MICAL3: variants seen among roughly 807,000 people sequenced by gnomAD.
The protein encoded by MICAL3 is [F-actin]-monooxygenase MICAL3.
A neutral mutation model predicts 207.4 loss-of-function variants in MICAL3; 62 were observed. That is an observed-to-expected ratio of 0.30 (90% CI 0.24 to 0.37). The LOEUF is 0.37. Among genes scored for constraint, MICAL3 ranks in the 10% least tolerant of loss-of-function variants. MICAL3 has a pLI of 1.00. For missense variants in MICAL3, 2,368 were observed against 2,635.6 expected, an observed-to-expected ratio of 0.90 and a Z score of 2.22; for synonymous variants, 1,077 against 1,069.3, an observed-to-expected ratio of 1.01 and a Z score of -0.14.
intron 1 of MICAL3, among the ~76,000 whole-genome samples, chr22:17,970,701 T>C (rs1051876632): frequency 1.3e-5 from 2 of 152,158 alleles, no homozygotes; most frequent in Middle Eastern, 3.2e-3. Flanking sequence ...GTCCTTGAAT[T>C]GGGGTTGGTG....
chr22:17,866,603 T>TAGAAC (rs200671730), intron 17 of MICAL3, among the ~76,000 whole-genome samples: 116 of 143,628 alleles, frequency 8.1e-4, no homozygotes, highest in African/African-American at 2.3e-3. Flanking sequence ...GGGAACAGCA[T>TAGAAC]AGAACAGAAC....
At chr22:17,806,260 C>G (rs2145979174) in intron 29 of MICAL3, among the ~76,000 whole-genome samples, 1 of 152,338 alleles carries the variant, frequency 6.6e-6, no homozygotes, top group East Asian at 1.9e-4. Context: ...CAGGGTCTGT[C>G]CGGGAGAGCT....
rs769317448 is a variant in MICAL3 at position 17,841,955 on chromosome 22, G to A, written c.2668C>T (p.Arg890Trp). 4 of 1,606,292 alleles carry A rather than the reference G, an allele frequency of 2.5e-6. No homozygotes were observed. Among genetic ancestry groups the A allele is most frequent in the Non-Finnish European group, 2.5e-6 (3 of 1,178,530 alleles). The change falls in exon 20 of 32, where the codon CGG becomes TGG. Residue 890 changes from arginine (R) to tryptophan (W), a missense_variant. Coordinates refer to ENST00000441493, the MANE Select transcript of MICAL3 (RefSeq NM_015241.3). The surrounding 1 kb of genome is among the most constrained non-coding windows in gnomAD (Gnocchi z 4.2). ...AGGCGGTAGTTCTCCAGCTCGATCC[G>A]CTCTGGGGTGCCCCTCAGTCGCTTG... ...IAKRLRGTPE[R>W]IELENYRLSL... is the part of the protein sequence containing the mutation.
In MICAL3 at chr22:17,975,232, A is replaced by G. The variant is rs575759624; in HGVS notation, c.-75+49049T>C. On this transcript the variant is annotated intron_variant, in intron 1 of 31. Coordinates refer to ENST00000441493, the MANE Select transcript of MICAL3 (RefSeq NM_015241.3). ...GCCGCAGTCAAGCTGCAGTCACCACAATCATCGTGTGATGGGAAGTGGCTC... is the reference window on the plus strand; with the variant it reads ...GCCGCAGTCAAGCTGCAGTCACCACGATCATCGTGTGATGGGAAGTGGCTC... Among the ~76,000 whole-genome samples the G allele has an allele frequency of 5.1e-4, 77 of 152,276 alleles. 1 individual carries two copies. Among genetic ancestry groups the G allele is most frequent in the African/African-American group, 1.8e-3 (75 of 41,560 alleles).
In MICAL3 at chr22:17,818,913, C is replaced by A; in HGVS notation, c.3748G>T (p.Ala1250Ser). 6.4e-7 allele frequency: 1 copy of A among 1,567,282 alleles called. No homozygotes were observed. The highest frequency in any genetic ancestry group is 8.6e-7 in the Non-Finnish European group (1 of 1,157,194). Residue 1250 changes from alanine (A) to serine (S), a missense_variant, in exon 26 of 32, where the codon GCC becomes TCC. Coordinates refer to ENST00000441493, the MANE Select transcript of MICAL3 (RefSeq NM_015241.3). ...AGTGGGCTGGGTGGGGGCGTGGAGG[C>A]CGCCACGGGTGGCTGGGGCTGCGGG... ...GSPQPQPPVAASTPPPSPLPI... is the reference protein window; with the variant it reads ...GSPQPQPPVASSTPPPSPLPI...
intron 11 of MICAL3, among the ~76,000 whole-genome samples, chr22:17,892,051 A>C (rs1216739762): frequency 6.6e-6 from 1 of 152,160 alleles, no homozygotes; most frequent in Non-Finnish European, 1.5e-5. Context: ...TGGGAAGAGG[A>C]GAGGAGAAAA....
chr22:17,862,746 G>C (rs1926656268), intron 19 of MICAL3: 1 of 985,494 alleles, frequency 1.0e-6, no homozygotes, highest in South Asian at 4.7e-5. Context: ...AGCTCACCGG[G>C]AGGCAAGGTG....
intron 1 of MICAL3, among the ~76,000 whole-genome samples, chr22:17,945,207 A>G (rs1297551391): frequency 6.6e-6 from 1 of 152,048 alleles, no homozygotes; most frequent in African/African-American, 2.4e-5. Flanking sequence ...CTTTCTCCAT[A>G]AGGAAGCCCC....
At chr22:17,941,720 C>CCTT (rs1933815355) in intron 1 of MICAL3, among the ~76,000 whole-genome samples, 1 of 152,196 alleles carries the variant, frequency 6.6e-6, no homozygotes, top group Non-Finnish European at 1.5e-5. Context: ...GTTTGGTTGA[C>CCTT]CTTCACAGGG....
Position 17,796,263 on chromosome 22 carries a change from C to G in MICAL3, c.5651-4962G>C, listed in dbSNP as rs986777220. On this transcript the variant is annotated intron_variant, in intron 29 of 31. Transcript: ENST00000441493. The surrounding 1 kb of genome is among the most constrained non-coding windows in gnomAD (Gnocchi z 4.4). ...CAGCACTTCCTTTGGACGTGTGACCCAGGGGTGGCTCTTTAGTGCCACTCG... is the reference window on the plus strand; with the variant it reads ...CAGCACTTCCTTTGGACGTGTGACCGAGGGGTGGCTCTTTAGTGCCACTCG... 2.6e-5 allele frequency among the ~76,000 whole-genome samples: 4 copies of G among 152,224 alleles called. No individual in the cohort carries two copies. Among genetic ancestry groups the G allele is most frequent in the Non-Finnish European group, 5.9e-5 (4 of 68,044 alleles).
At chr22:17,827,934 T>TACACACACAC (rs60820224) in intron 21 of MICAL3, among the ~76,000 whole-genome samples, 153 bp from the exon 22 acceptor site, 1,745 of 150,922 alleles carry the variant, frequency 0.012, 21 homozygotes, top group African/African-American at 0.032. Flanking sequence ...TGCACATGTA[T>TACACACACAC]ACACACACAC....
chr22:18,015,989 T>TA (rs1321654944), intron 1 of MICAL3, among the ~76,000 whole-genome samples: 1 of 152,202 alleles, frequency 6.6e-6, no homozygotes, highest in African/African-American at 2.4e-5. Context: ...ATCTGAAATT[T>TA]AAAAAACCTT....
At chr22:17,978,970 G>A (rs1156998392) in intron 1 of MICAL3, among the ~76,000 whole-genome samples, 1 of 151,546 alleles carries the variant, frequency 6.6e-6, no homozygotes, top group Non-Finnish European at 1.5e-5. Flanking sequence ...GAGCCCAGGA[G>A]TTCGAGACCA....
intron 19 of MICAL3, among the ~76,000 whole-genome samples, chr22:17,849,643 AATGTGTGTGTGTGTGTGTGTGTGT>A (rs1453126683): frequency 2.5e-5 from 3 of 120,162 alleles, no homozygotes; most frequent in African/African-American, 6.5e-5. Flanking sequence ...CCCAGAATGG[AATGTGTGTGTGTGTGTGTGTGTGT>A]GTGTGTGTGT....
intron 17 of MICAL3, among the ~76,000 whole-genome samples, chr22:17,868,073 T>C (rs938225826): frequency 7.2e-5 from 11 of 152,222 alleles, no homozygotes; most frequent in Admixed American, 2.6e-4. Flanking sequence ...CTGTTTTCTC[T>C]AGGAAGGCAG....
intron 1 of MICAL3, among the ~76,000 whole-genome samples, chr22:17,930,540 A>G (rs747690426): frequency 2.6e-5 from 4 of 152,188 alleles, no homozygotes; most frequent in Non-Finnish European, 4.4e-5. Flanking sequence ...TGGGCAAGAG[A>G]GGGCAGACAC....
At chr22:17,877,520 TAGGGAGGTGAGGGAGGTTATGGAGGTG>T (rs1928922967) in intron 16 of MICAL3, among the ~76,000 whole-genome samples, 1 of 118,128 alleles carries the variant, frequency 8.5e-6, no homozygotes, top group Non-Finnish European at 1.9e-5. Context: ...TTAGGGAGGT[TAGGGAGGTGAGGGAGGTTATGGAGGTG>T]AGGGAGGTTA....
At chr22:18,011,571 A>C (rs1214409497) in intron 1 of MICAL3, among the ~76,000 whole-genome samples, 1 of 148,974 alleles carries the variant, frequency 6.7e-6, no homozygotes, top group Non-Finnish European at 1.5e-5. Flanking sequence ...TCCGTCTAAA[A>C]ATATATATAT....
chr22:17,949,460 G>A (rs1934229940), intron 1 of MICAL3, among the ~76,000 whole-genome samples: 1 of 152,156 alleles, frequency 6.6e-6, no homozygotes, highest in Admixed American at 6.5e-5. Context: ...CGACAAAGCA[G>A]GGAGAACTGC....
Sources: allele counts gnomAD v4.1 joint callset (sites outside exome capture counted in the v4.1 genomes callset), GRCh38; gene constraint gnomAD v4.1.1; non-coding constraint Gnocchi (gnomAD v3.1); transcripts MANE v1.5; gene names NCBI Gene and HGNC (gene_info 2026-07-23, HGNC 2026-07-21).